Variants in PTPRD observed in about 807,000 individuals in gnomAD.
PTPRD encodes receptor-type tyrosine-protein phosphatase delta.
A neutral mutation model predicts 214.5 loss-of-function variants in PTPRD; 34 were observed. The ratio of observed to expected loss-of-function variants is 0.16; its 90% confidence interval spans 0.12 to 0.21. PTPRD has a LOEUF of 0.21. Ranked by LOEUF, PTPRD falls within the 10% of genes least tolerant of loss-of-function variation. The probability of loss-of-function intolerance (pLI) is 1.00; values close to 1 mark genes in which losing one functional copy is unlikely to be tolerated. For synonymous variants in PTPRD, 1,128 were observed against 845.7 expected, an observed-to-expected ratio of 1.33 and a Z score of -5.79; for missense variants, 2,545 against 2,398.7, an observed-to-expected ratio of 1.06 and a Z score of -1.27.
In PTPRD at chr9:9,266,883, G is replaced by A. The variant is rs74727453; in HGVS notation, c.-202-83520C>T. Among the ~76,000 whole-genome samples the A allele has an allele frequency of 4.6e-3, 694 of 151,082 alleles. 9 individuals carry two copies. The highest frequency in any genetic ancestry group is 0.016 in the African/African-American group (650 of 41,408). ...AAATCTTTAATAAGCAACCAGTTTT[G>A]CACTTCAAGGAGCTAGAAAAAGAAA... On this transcript the variant is annotated intron_variant, in intron 9 of 45. Transcript: ENST00000381196.
At chr9:10,138,035 A>C (rs2154264192) in intron 3 of PTPRD, among the ~76,000 whole-genome samples, 1 of 152,188 alleles carries the variant, frequency 6.6e-6, no homozygotes, top group South Asian at 2.1e-4. Flanking sequence ...AAGAAACAAC[A>C]AAAATCAGAG....
intron 3 of PTPRD, among the ~76,000 whole-genome samples, chr9:10,080,435 C>T (rs931417494): frequency 6.6e-6 from 1 of 151,914 alleles, no homozygotes. Context: ...CACTGTAATC[C>T]AATCATGACA....
At chr9:8,345,399 A>G (rs1206461376) in intron 39 of PTPRD, among the ~76,000 whole-genome samples, 30 of 151,988 alleles carry the variant, frequency 2.0e-4, no homozygotes, top group Admixed American at 2.0e-3. Context: ...AATGCTTTCC[A>G]CCATTTAGGT....
chr9:9,376,266 A>G (rs745363459), intron 9 of PTPRD, among the ~76,000 whole-genome samples: 25 of 152,136 alleles, frequency 1.6e-4, no homozygotes, highest in Non-Finnish European at 3.1e-4. Flanking sequence ...TCTATGGCAA[A>G]CAAATGCCTG....
intron 3 of PTPRD, among the ~76,000 whole-genome samples, chr9:10,190,386 G>GAAAA (rs66511711): frequency 1.2e-4 from 6 of 50,156 alleles, no homozygotes; most frequent in Admixed American, 3.5e-4. Flanking sequence ...TCTATCTCCA[G>GAAAA]AAAAAAAAAA....
chr9:9,082,565 G>C (rs1342667809), intron 10 of PTPRD, among the ~76,000 whole-genome samples: 2 of 152,184 alleles, frequency 1.3e-5, no homozygotes, highest in Non-Finnish European at 2.9e-5. Flanking sequence ...AATCAGGCAA[G>C]AGAAAGAAAT....
chr9:8,415,606 C>T (rs10977069), intron 35 of PTPRD, among the ~76,000 whole-genome samples: 10,934 of 151,902 alleles, frequency 0.072, 491 homozygotes, highest in Non-Finnish European at 0.097. Flanking sequence ...AACCATGATA[C>T]GTGTCTCCAA....
chr9:9,433,040 A>T (rs547348661), intron 8 of PTPRD, among the ~76,000 whole-genome samples: 6 of 152,192 alleles, frequency 3.9e-5, no homozygotes, highest in Admixed American at 3.9e-4. Context: ...AAGCGTGTGT[A>T]TAAGAGTGTG....
chr9:8,558,687 A>C (rs2084948683), intron 14 of PTPRD, among the ~76,000 whole-genome samples: 1 of 152,206 alleles, frequency 6.6e-6, no homozygotes, highest in Non-Finnish European at 1.5e-5. Context: ...AAAAATGTCT[A>C]TTATTTTAGG....
At chr9:8,318,027 C>A (rs1372159125) in intron 45 of PTPRD, 85 bp from the exon 46 acceptor site, 13 of 1,269,964 alleles carry the variant, frequency 1.0e-5, no homozygotes, top group Non-Finnish European at 1.1e-5. Flanking sequence ...TATTGCATAA[C>A]AAAATAACAT....
intron 3 of PTPRD, among the ~76,000 whole-genome samples, chr9:10,081,724 A>G (rs576024585): frequency 1.0e-3 from 153 of 152,218 alleles, no homozygotes; most frequent in African/African-American, 3.4e-3. Flanking sequence ...GGGTGTTATT[A>G]TATTTTTGAT....
intron 12 of PTPRD, chr9:8,713,769 G>A: frequency 2.6e-6 from 4 of 1,536,110 alleles, no homozygotes; most frequent in Non-Finnish European, 3.5e-6. Flanking sequence ...TCAAGTTCCC[G>A]CTGCCCCACC....
intron 7 of PTPRD, among the ~76,000 whole-genome samples, chr9:9,652,209 T>C (rs981384596): frequency 2.6e-5 from 4 of 152,120 alleles, no homozygotes; most frequent in African/African-American, 9.7e-5. Context: ...TACCAGTGTA[T>C]CCTTGTCTTA....
In PTPRD at chr9:9,967,014, T is replaced by G. The variant is rs548257212; in HGVS notation, c.-471-28404A>C. On this transcript the variant is annotated intron_variant, in intron 4 of 45. Coordinates refer to ENST00000381196, the MANE Select transcript of PTPRD (RefSeq NM_002839.4). ...GAGTTTAGGGACTACAGATCACAGA[T>G]AGGAGATAGCAATGACAGGATCTGA... Among the ~76,000 whole-genome samples, 11 of 152,204 alleles carry G rather than the reference T, an allele frequency of 7.2e-5. No homozygotes were observed. The South Asian group carries it at 2.3e-3, about 32-fold the overall frequency.
chr9:8,451,207 A>G (rs2095934170), intron 33 of PTPRD, among the ~76,000 whole-genome samples: 1 of 152,218 alleles, frequency 6.6e-6, no homozygotes, highest in Non-Finnish European at 1.5e-5. Flanking sequence ...TTGGCAAAAC[A>G]TCCTTAATGG....
intron 7 of PTPRD, among the ~76,000 whole-genome samples, chr9:9,690,185 A>T (rs1211205101): frequency 6.6e-6 from 1 of 151,792 alleles, no homozygotes; most frequent in Admixed American, 6.6e-5. Context: ...AAGCCATTTT[A>T]AGTGGAGTGA....
chr9:10,391,132 C>T lies in PTPRD; in HGVS notation c.-599-50115G>A, dbSNP rs150783594. ...AAGCATTAAGTAAATTAGGCCTTTT[C>T]TCTGGATTGGATGCAGTTGGAAATC... On this transcript the variant is annotated intron_variant, in intron 2 of 45. Coordinates refer to ENST00000381196, the MANE Select transcript of PTPRD (RefSeq NM_002839.4). Among the ~76,000 whole-genome samples the T allele has an allele frequency of 2.0e-5, 3 of 151,860 alleles. 1 individual carries two copies. Among genetic ancestry groups the T allele is most frequent in the Non-Finnish European group, 2.9e-5 (2 of 67,860 alleles).
chr9:10,435,943 T>G (rs2098714260), intron 2 of PTPRD, among the ~76,000 whole-genome samples: 1 of 151,928 alleles, frequency 6.6e-6, no homozygotes, highest in Non-Finnish European at 1.5e-5. Flanking sequence ...TACCTATTTT[T>G]GTGTTTCAAA....
intron 4 of PTPRD, among the ~76,000 whole-genome samples, chr9:10,017,151 G>A (rs1450847484): frequency 6.6e-6 from 1 of 152,070 alleles, no homozygotes; most frequent in African/African-American, 2.4e-5. Context: ...TATGCCCAAT[G>A]TTTTTAGTTT....
Sources: allele counts gnomAD v4.1 joint callset (sites outside exome capture counted in the v4.1 genomes callset), GRCh38; gene constraint gnomAD v4.1.1; transcripts MANE v1.5; gene names NCBI Gene and HGNC (gene_info 2026-07-23, HGNC 2026-07-21).